The following PTPRD variants were observed in gnomAD, a reference collection of about 807,000 sequenced individuals.
PTPRD encodes the protein receptor-type tyrosine-protein phosphatase delta.
PTPRD carries 34 observed loss-of-function variants against 214.5 expected under a neutral mutation model. The observed-to-expected ratio is 0.16, with a 90% CI of 0.12 to 0.21. The LOEUF (loss-of-function observed/expected upper bound fraction) is 0.21. Among genes scored for constraint, PTPRD ranks in the 10% least tolerant of loss-of-function variants. The pLI is 1.00. For synonymous variants in PTPRD, 1,128 were observed against 845.7 expected, an observed-to-expected ratio of 1.33 and a Z score of -5.79; for missense variants, 2,545 against 2,398.7, an observed-to-expected ratio of 1.06 and a Z score of -1.27.
Position 9,683,162 on chromosome 9 carries a change from A to C in PTPRD, c.-287+51371T>G, listed in dbSNP as rs16930039. 8.0e-3 allele frequency among the ~76,000 whole-genome samples: 1,220 copies of C among 151,928 alleles called. 14 individuals carry two copies. Among genetic ancestry groups the C allele is most frequent in the African/African-American group, 0.028 (1,158 of 41,510 alleles). On this transcript the variant is annotated intron_variant, in intron 7 of 45. Coordinates refer to ENST00000381196, the MANE Select transcript of PTPRD (RefSeq NM_002839.4). ...CAAATTGGTGGAACCATTTGGACGAATAAGTTAGGCAGTCCCTGAAATTAT... is the reference window on the plus strand; with the variant it reads ...CAAATTGGTGGAACCATTTGGACGACTAAGTTAGGCAGTCCCTGAAATTAT...
chr9:9,570,670 T>C (rs1468527567), intron 8 of PTPRD, among the ~76,000 whole-genome samples: 2 of 151,524 alleles, frequency 1.3e-5, no homozygotes, highest in African/African-American at 4.8e-5. Flanking sequence ...TTGTTCTCCC[T>C]GCTTTCATTA....
rs869120926 is a variant in PTPRD, at chr9:9,779,078, CAAAAAAAAAAAA to C, written c.-367-12239_-367-12228del. 9.9e-4 allele frequency among the ~76,000 whole-genome samples: 45 copies of C among 45,486 alleles called. 1 individual carries two copies. Among genetic ancestry groups the C allele is most frequent in the African/African-American group, 2.6e-3 (29 of 11,276 alleles). 29.8% of individuals were successfully genotyped at this position (45,486 alleles called of 152,430 possible). A position where few individuals can be genotyped will look rare whatever the true frequency, so the allele number is the denominator to read the frequency against. ...GCCATGTGATCTTTCATAAGACTGACAAAAAAAAAAAAAAAAAAAAAAAAAAGCAATGGGGAA... is the reference window on the plus strand; with the variant it reads ...GCCATGTGATCTTTCATAAGACTGACAAAAAAAAAAAAAAGCAATGGGGAA... On this transcript the variant is annotated intron_variant, in intron 5 of 45. Transcript: ENST00000381196.
chr9:9,701,521 CTTG>C (rs1337130760), intron 7 of PTPRD, among the ~76,000 whole-genome samples: 1 of 152,000 alleles, frequency 6.6e-6, no homozygotes, highest in Non-Finnish European at 1.5e-5. Flanking sequence ...AACCATAATA[CTTG>C]TTGTATTTTG....
chr9:8,706,803 T>C (rs1248238750), intron 12 of PTPRD, among the ~76,000 whole-genome samples: 1 of 152,218 alleles, frequency 6.6e-6, no homozygotes, highest in Non-Finnish European at 1.5e-5. Flanking sequence ...CCAGTGTTAA[T>C]TAACCACAGC....
chr9:9,647,537 G>C (rs1440851923), intron 7 of PTPRD, among the ~76,000 whole-genome samples: 1 of 152,060 alleles, frequency 6.6e-6, no homozygotes, highest in Non-Finnish European at 1.5e-5. Flanking sequence ...TTACCTATAA[G>C]AGACCACCTT....
At chr9:8,489,763 C>A (rs1449751964) in intron 27 of PTPRD, among the ~76,000 whole-genome samples, 1 of 152,152 alleles carries the variant, frequency 6.6e-6, no homozygotes, top group Non-Finnish European at 1.5e-5. Flanking sequence ...TCATTGAATA[C>A]ATAGTTAAAA....
chr9:9,160,624 T>G (rs1001153297), intron 10 of PTPRD, among the ~76,000 whole-genome samples: 23 of 152,078 alleles, frequency 1.5e-4, no homozygotes, highest in African/African-American at 5.1e-4. Context: ...GGCATGGAGA[T>G]TCCTCAAAAA....
At chr9:9,751,407 A>T (rs1435896962) in intron 6 of PTPRD, among the ~76,000 whole-genome samples, 1 of 152,114 alleles carries the variant, frequency 6.6e-6, no homozygotes, top group East Asian at 1.9e-4. Context: ...ACCTGAGTTA[A>T]CTCATCTCTA....
chr9:8,909,480 C>T (rs1331793902), intron 11 of PTPRD, among the ~76,000 whole-genome samples: 2 of 152,068 alleles, frequency 1.3e-5, no homozygotes, highest in African/African-American at 4.8e-5. Context: ...TAAGCCTTGA[C>T]AGACAAAAGG....
chr9:8,450,987 G>A (rs191193415), intron 33 of PTPRD, among the ~76,000 whole-genome samples: 29 of 152,074 alleles, frequency 1.9e-4, no homozygotes, highest in Admixed American at 4.6e-4. Flanking sequence ...TTCTCTGTTC[G>A]ATGTGACTGT....
chr9:8,389,964 A>C (rs1010809128), intron 36 of PTPRD, among the ~76,000 whole-genome samples: 1 of 152,194 alleles, frequency 6.6e-6, no homozygotes, highest in African/African-American at 2.4e-5. Flanking sequence ...AAGTTAAAGA[A>C]ACTTGAGCAA....
At chr9:10,381,899 A>T (rs1476385435) in intron 2 of PTPRD, among the ~76,000 whole-genome samples, 1 of 151,982 alleles carries the variant, frequency 6.6e-6, no homozygotes, top group Non-Finnish European at 1.5e-5. Flanking sequence ...AAGTGATAAT[A>T]GTAATATCTA....
At chr9:9,733,785 T>C (rs2098242394) in intron 7 of PTPRD, among the ~76,000 whole-genome samples, 1 of 152,162 alleles carries the variant, frequency 6.6e-6, no homozygotes, top group South Asian at 2.1e-4. Flanking sequence ...CTTCATAGTA[T>C]TAAATGAGAT....
intron 2 of PTPRD, among the ~76,000 whole-genome samples, chr9:10,542,723 T>C (rs996071961): frequency 1.3e-5 from 2 of 152,032 alleles, no homozygotes; most frequent in African/African-American, 4.8e-5. Flanking sequence ...TTAACTAATT[T>C]ATTTATTTTT....
chr9:9,163,405 A>T (rs2099894372), intron 10 of PTPRD, among the ~76,000 whole-genome samples: 1 of 151,860 alleles, frequency 6.6e-6, no homozygotes, highest in African/African-American at 2.4e-5. Flanking sequence ...TTCCACTACC[A>T]TCTACCCAGG....
At chr9:9,323,761 A>G (rs1285964530) in intron 9 of PTPRD, among the ~76,000 whole-genome samples, 2 of 152,166 alleles carry the variant, frequency 1.3e-5, no homozygotes, top group East Asian at 3.9e-4. Flanking sequence ...TTACATATGT[A>G]TACATGTGCC....
At chr9:8,489,782 C>T (rs1033789032) in intron 27 of PTPRD, among the ~76,000 whole-genome samples, 1 of 152,150 alleles carries the variant, frequency 6.6e-6, no homozygotes, top group Non-Finnish European at 1.5e-5. Context: ...AAAGAATTCT[C>T]CCAAACTCCA....
intron 11 of PTPRD, among the ~76,000 whole-genome samples, chr9:8,950,910 G>C (rs2099098349): frequency 6.6e-6 from 1 of 151,914 alleles, no homozygotes; most frequent in Non-Finnish European, 1.5e-5. Context: ...CAAATATACT[G>C]TGCAAGGCTA....
At chr9:10,541,677 A>T (rs991990485) in intron 2 of PTPRD, among the ~76,000 whole-genome samples, 11 of 151,956 alleles carry the variant, frequency 7.2e-5, no homozygotes, top group African/African-American at 2.7e-4. Flanking sequence ...TTAAATAAAC[A>T]TATCACCACA....
Sources: gnomAD v4.1 joint callset for allele counts (sites outside exome capture counted in the v4.1 genomes callset) on GRCh38, gnomAD v4.1.1 for gene constraint, MANE v1.5 for transcripts, NCBI Gene and HGNC (gene_info 2026-07-23, HGNC 2026-07-21) for gene names.